MGAM: variants seen among roughly 807,000 people sequenced by gnomAD.
The protein encoded by MGAM is alpha-1,4-glucosidase.
A neutral mutation model predicts 358.8 loss-of-function variants in MGAM; 253 were observed. That is an observed-to-expected ratio of 0.71 (90% CI 0.64 to 0.78). The LOEUF (loss-of-function observed/expected upper bound fraction) is 0.78. Among genes scored for constraint, MGAM ranks in the 30% least tolerant of loss-of-function variants. MGAM has a pLI of 0.00. For synonymous variants in MGAM, 1,105 were observed against 1,227.1 expected (o/e 0.90, Z 2.08); for missense variants, 3,080 against 3,432.6 (o/e 0.90, Z 2.57).
intron 10 of MGAM, among the ~76,000 whole-genome samples, chr7:142,029,678 T>C (rs79310658): frequency 0.026 from 3,981 of 152,268 alleles, 71 homozygotes; most frequent in Middle Eastern, 0.11. Context: ...GGACATGTAA[T>C]AAAACATTTT....
chr7:142,094,994 T>A (rs1815767350), intron 63 of MGAM, 131 bp downstream of exon 63: 2 of 878,134 alleles, frequency 2.3e-6, no homozygotes, highest in African/African-American at 3.4e-5. Flanking sequence ...AGACAAAGAC[T>A]CATTCTATTG....
chr7:142,030,498 G>A lies in MGAM; in HGVS notation c.1353+5G>A. On this transcript the variant is annotated splice_donor_5th_base_variant and intron_variant, in intron 11 of 70. Transcript: ENST00000475668. ...CAGAAGCTTGTCATCATTGTGGTAT[G>A]TACTGCCCTCTTTCCACCAAATTAG... 6.2e-7 allele frequency: 1 copy of A among 1,613,466 alleles called. No individual in the cohort carries two copies. The highest frequency in any genetic ancestry group is 8.5e-7 in the Non-Finnish European group (1 of 1,179,650).
chr7:141,989,826 A>G (rs1336732105), intron 2 of MGAM, among the ~76,000 whole-genome samples: 2 of 152,224 alleles, frequency 1.3e-5, no homozygotes, highest in African/African-American at 4.8e-5. Flanking sequence ...ATGAAATACT[A>G]TGTTTGACAA....
At chr7:141,991,615 T>C (rs1803952788), upstream of MGAM, among the ~76,000 whole-genome samples, 1 of 152,034 alleles carries the variant, frequency 6.6e-6, no homozygotes, top group South Asian at 2.1e-4. Flanking sequence ...TTTTGTATTT[T>C]TAGTAGAGAC....
intron 24 of MGAM, 96 bp downstream of exon 24, chr7:142,050,960 G>C: frequency 6.5e-7 from 1 of 1,540,794 alleles, no homozygotes; most frequent in Non-Finnish European, 8.9e-7. Flanking sequence ...TGAAGGACCA[G>C]GGCACCTTTG....
intron 52 of MGAM, 65 bp from the exon 53 acceptor site, chr7:142,083,236 G>C (rs1814477812): frequency 3.2e-6 from 4 of 1,235,318 alleles, no homozygotes; most frequent in Non-Finnish European, 1.2e-6. Flanking sequence ...AGAATGTGTG[G>C]ATTTCAGGGG....
rs782416473 is a variant in MGAM at position 142,008,645 on chromosome 7, A to G, written c.267A>G (p.Glu89=). 4.3e-6 allele frequency: 7 copies of G among 1,613,288 alleles called. No homozygotes were observed. In the African/African-American group the frequency reaches 9.3e-5, roughly 22 times the overall value. The part of the protein sequence containing the change: ...GTTGTTPVSA[E]CPVVNELERI... ...CTGGTACCACTCCTGTTTCTGCTGA[A>G]TGTCCAGTGGTAAATGAATTGGAAC... Residue 89 remains glutamate (E), a synonymous_variant, in exon 3 of 71, where the codon GAA becomes GAG. Transcript: ENST00000475668.
intron 24 of MGAM, among the ~76,000 whole-genome samples, chr7:142,051,673 G>A (rs1352186187): frequency 4.6e-5 from 7 of 151,934 alleles, no homozygotes; most frequent in Admixed American, 2.6e-4. Context: ...CAAATTTGCC[G>A]TTGCTAAAAT....
intron 27 of MGAM, 107 bp from the exon 28 acceptor site, chr7:142,055,451 C>T (rs1475074685): frequency 2.9e-6 from 4 of 1,381,866 alleles, no homozygotes; most frequent in Middle Eastern, 2.1e-4. Context: ...GGGATATGAA[C>T]AGCTTCTTGG....
intron 34 of MGAM, among the ~76,000 whole-genome samples, chr7:142,060,734 G>C (rs1310154652): frequency 6.6e-6 from 1 of 152,216 alleles, no homozygotes; most frequent in East Asian, 1.9e-4. Context: ...CTCTGAACTG[G>C]CATACTTACT....
chr7:142,060,132 T>C (rs1368824664), intron 33 of MGAM, among the ~76,000 whole-genome samples, 166 bp downstream of exon 33: 2 of 152,282 alleles, frequency 1.3e-5, no homozygotes, highest in Non-Finnish European at 1.5e-5. Context: ...GTTGATACAA[T>C]TAACGACTTT....
chr7:142,029,128 A>T (rs544953523), intron 10 of MGAM, among the ~76,000 whole-genome samples: 1 of 152,272 alleles, frequency 6.6e-6, no homozygotes, highest in African/African-American at 2.4e-5. Context: ...AGGCAGGCAG[A>T]TCACGAGGTC....
At chr7:142,015,041 T>C (rs1380733768) in intron 3 of MGAM, among the ~76,000 whole-genome samples, 4 of 152,158 alleles carry the variant, frequency 2.6e-5, no homozygotes, top group African/African-American at 4.8e-5. Context: ...ACCATCTCAC[T>C]GTCATTTTCT....
At chr7:142,031,615 G>C in intron 12 of MGAM, 65 bp from the exon 13 acceptor site, 1 of 1,130,966 alleles carries the variant, frequency 8.8e-7, no homozygotes, top group Non-Finnish European at 1.3e-6. Flanking sequence ...TCTTTGCAAA[G>C]TACTTTCCTT....
At chr7:142,067,985 T>A (rs1585050429) in intron 42 of MGAM, among the ~76,000 whole-genome samples, 3 of 5,452 alleles carry the variant, frequency 5.5e-4, no homozygotes, top group Non-Finnish European at 8.1e-4. Flanking sequence ...TATATATATA[T>A]ATTTTTTTTT....
rs373342205 is a variant in MGAM at position 142,089,574 on chromosome 7, C to T, written c.6811-2339C>T. Among the ~76,000 whole-genome samples the T allele has an allele frequency of 4.8e-5, 7 of 145,884 alleles. 1 individual carries two copies. Among genetic ancestry groups the T allele is most frequent in the African/African-American group, 7.3e-5 (3 of 41,054 alleles). Reference sequence around the variant, plus strand: ...TCCCAGCACTTTGGGAGGCTGATCACGAGGTCAGGAGTTCAAGATCAACCT... The same window carrying T: ...TCCCAGCACTTTGGGAGGCTGATCATGAGGTCAGGAGTTCAAGATCAACCT... On this transcript the variant is annotated intron_variant, in intron 57 of 70. Coordinates refer to ENST00000475668, the MANE Select transcript of MGAM (RefSeq NM_001365693.1).
intron 56 of MGAM, 104 bp downstream of exon 56, chr7:142,086,432 T>C (rs180757248): frequency 0.012 from 11,450 of 938,218 alleles, 1,435 homozygotes; most frequent in South Asian, 0.1. Context: ...CTATTTGGGC[T>C]CTGAGGTCAG....
At chr7:142,043,030 CAT>C (rs1321110864) in intron 21 of MGAM, among the ~76,000 whole-genome samples, 3 of 89,786 alleles carry the variant, frequency 3.3e-5, no homozygotes, top group Non-Finnish European at 5.5e-5. Flanking sequence ...AAAATATAAA[CAT>C]AATATCTAAA....
At chr7:142,093,582 C>G (rs1276508712) in intron 60 of MGAM, 32 bp downstream of exon 60, 1 of 1,488,072 alleles carries the variant, frequency 6.7e-7, no homozygotes, top group Non-Finnish European at 9.1e-7. Context: ...CCAGCTGTCA[C>G]AACCTGTAGG....
Sources: allele counts gnomAD v4.1 joint callset (sites outside exome capture counted in the v4.1 genomes callset), GRCh38; gene constraint gnomAD v4.1.1; transcripts MANE v1.5; gene names NCBI Gene and HGNC (gene_info 2026-07-23, HGNC 2026-07-21).